Variants in SPAM1 observed in about 807,000 individuals in gnomAD.
SPAM1 encodes the protein sperm adhesion molecule 1.
A neutral mutation model predicts 29.6 loss-of-function variants in SPAM1; 22 were observed. The observed-to-expected ratio is 0.74, with a 90% confidence interval of 0.53 to 1.06. SPAM1 has a LOEUF of 1.06. Among genes scored for constraint, SPAM1 ranks in the 50% least tolerant of loss-of-function variants. SPAM1 has a pLI of 0.00. For missense variants in SPAM1, 534 were observed against 604.0 expected (o/e 0.88, Z 1.21); for synonymous variants, 194 against 204.6 (o/e 0.95, Z 0.44).
In SPAM1 at chr7:123,954,085, T is replaced by A. The variant is rs1335722381; in HGVS notation, c.515T>A (p.Val172Asp). Residue 172 changes from valine to aspartate, a missense_variant, in exon 3 of 5, where the codon GTT becomes GAT. Coordinates refer to ENST00000682466, the MANE Select transcript of SPAM1 (RefSeq NM_153189.3). The stretch of plus-strand genomic sequence containing the variant: ...TACAAGAATAGGTCTATTGAATTGG[T>A]TCAGCAACAAAATGTACAACTTAGT... Reference protein sequence around the residue: ...DVYKNRSIELVQQQNVQLSLT... With the variant: ...DVYKNRSIELDQQQNVQLSLT... 1 of 1,613,192 alleles carries A rather than the reference T, an allele frequency of 6.2e-7. No homozygotes were observed. Among genetic ancestry groups the A allele is most frequent in the South Asian group, 1.1e-5 (1 of 90,994 alleles).
At chr7:123,946,801 T>C (rs1186484870) in intron 1 of SPAM1, among the ~76,000 whole-genome samples, 1 of 152,088 alleles carries the variant, frequency 6.6e-6, no homozygotes, top group Non-Finnish European at 1.5e-5. Flanking sequence ...AACAATAAGG[T>C]AGAGGAAGCA....
chr7:123,970,164 A>C, intron 5 of SPAM1: 1 of 1,546,690 alleles, frequency 6.5e-7, no homozygotes, highest in Middle Eastern at 1.7e-4. Flanking sequence ...TGGCTTAAAC[A>C]ACAGAAATTA....
intron 1 of SPAM1, among the ~76,000 whole-genome samples, chr7:123,929,895 A>ATTGTTTTTTTTTTT (rs1808014221): frequency 8.3e-6 from 1 of 119,830 alleles, no homozygotes; most frequent in African/African-American, 3.1e-5. Flanking sequence ...GTGTTTAGGG[A>ATTGTTTTTTTTTTT]TTTTTTTTTT....
chr7:123,955,462 G>A (rs569778034), intron 4 of SPAM1, among the ~76,000 whole-genome samples: 1 of 151,998 alleles, frequency 6.6e-6, no homozygotes, highest in African/African-American at 2.4e-5. Flanking sequence ...CATCAACCTT[G>A]TTGACTCAAT....
At chr7:123,960,827 T>C (rs1792348881), downstream of SPAM1, among the ~76,000 whole-genome samples, 1 of 151,936 alleles carries the variant, frequency 6.6e-6, no homozygotes, top group South Asian at 2.1e-4. Flanking sequence ...TTTTACTTGT[T>C]ACAGATCTCA....
chr7:123,947,614 AC>A, intron 1 of SPAM1: 1 of 150,742 alleles, frequency 6.6e-6, no homozygotes, highest in Non-Finnish European at 1.5e-5. Flanking sequence ...ACACACACAC[AC>A]ACACAGACAG....
intron 4 of SPAM1, among the ~76,000 whole-genome samples, chr7:123,957,281 A>T (rs1360633230): frequency 1.2e-4 from 19 of 152,004 alleles, no homozygotes; most frequent in Admixed American, 1.2e-3. Flanking sequence ...TCTAATTTAA[A>T]GCTGCCATCA....
intron 2 of SPAM1, 138 bp from the exon 3 acceptor site, chr7:123,953,227 A>G (rs1343445905): frequency 9.9e-6 from 2 of 201,690 alleles, no homozygotes; most frequent in Non-Finnish European, 1.9e-5. Context: ...ATAATTTCAT[A>G]GATTCAAACA....
chr7:123,962,148 A>G (rs995378128), downstream of SPAM1, among the ~76,000 whole-genome samples: 1 of 152,018 alleles, frequency 6.6e-6, no homozygotes, highest in Non-Finnish European at 1.5e-5. Flanking sequence ...ATTCTCACCA[A>G]GAGTTCCCTT....
chr7:123,953,157 G>A (rs575505138), intron 2 of SPAM1, among the ~76,000 whole-genome samples: 2 of 152,156 alleles, frequency 1.3e-5, no homozygotes, highest in Non-Finnish European at 2.9e-5. Flanking sequence ...GCCCAGTAGT[G>A]ATTTGGGAAG....
intron 1 of SPAM1, among the ~76,000 whole-genome samples, chr7:123,939,455 GACAT>G (rs1262789950): frequency 6.6e-6 from 1 of 152,150 alleles, no homozygotes; most frequent in East Asian, 1.9e-4. Flanking sequence ...GCCTACGAAA[GACAT>G]ACTAGTCTTC....
intron 1 of SPAM1, among the ~76,000 whole-genome samples, chr7:123,933,047 AT>A (rs1808134447): frequency 6.6e-6 from 1 of 151,360 alleles, no homozygotes; most frequent in African/African-American, 2.4e-5. Flanking sequence ...AATATTATTT[AT>A]TTTATTTTTT....
At chr7:123,955,621 C>G (rs1441560736) in intron 4 of SPAM1, among the ~76,000 whole-genome samples, 3 of 151,946 alleles carry the variant, frequency 2.0e-5, no homozygotes, top group Non-Finnish European at 4.4e-5. Flanking sequence ...AGCGAATAGT[C>G]TATACTCTAG....
chr7:123,967,221 ATAGCTAGT>A (rs1792437067), intron 5 of SPAM1, among the ~76,000 whole-genome samples: 1 of 152,012 alleles, frequency 6.6e-6, no homozygotes, highest in African/African-American at 2.4e-5. Flanking sequence ...AACAGAAATA[ATAGCTAGT>A]CACAGTGCTA....
chr7:123,940,588 G>C (rs1021296382), intron 1 of SPAM1, among the ~76,000 whole-genome samples: 2 of 151,584 alleles, frequency 1.3e-5, no homozygotes, highest in African/African-American at 4.8e-5. Flanking sequence ...TCCTGGCTTA[G>C]AATGATTCTC....
intron 2 of SPAM1, among the ~76,000 whole-genome samples, chr7:123,951,358 A>G (rs1350745228): frequency 3.3e-5 from 5 of 152,012 alleles, no homozygotes; most frequent in Non-Finnish European, 7.4e-5. Flanking sequence ...TGTCTAGGCA[A>G]ATGTCAGCTT....
chr7:123,944,493 T>TTTGG (rs1808515152), intron 1 of SPAM1, among the ~76,000 whole-genome samples: 3 of 152,172 alleles, frequency 2.0e-5, no homozygotes, highest in Admixed American at 6.6e-5. Context: ...AATCTGTTTG[T>TTTGG]TAGGCCCAGT....
intron 5 of SPAM1, among the ~76,000 whole-genome samples, chr7:123,966,863 C>G (rs76679685): frequency 0.1 from 15,389 of 152,026 alleles, 852 homozygotes; most frequent in South Asian, 0.12. Flanking sequence ...ACACATCTAC[C>G]TATGTAACAA....
intron 1 of SPAM1, among the ~76,000 whole-genome samples, chr7:123,948,505 C>T (rs896760959): frequency 6.6e-6 from 1 of 152,054 alleles, no homozygotes; most frequent in African/African-American, 2.4e-5. Context: ...CTTCCTGAGG[C>T]TGGAGGCCAT....
Sources: gnomAD v4.1 joint callset for allele counts (sites outside exome capture counted in the v4.1 genomes callset) on GRCh38, gnomAD v4.1.1 for gene constraint, MANE v1.5 for transcripts, NCBI Gene and HGNC (gene_info 2026-07-23, HGNC 2026-07-21) for gene names.